Variants in XKR6 observed in about 807,000 individuals in gnomAD.
The protein encoded by XKR6 is XK-related protein 6.
XKR6 carries 22 observed loss-of-function variants against 56.7 expected under a neutral mutation model. The observed-to-expected ratio is 0.39, with a 90% CI of 0.28 to 0.55. The LOEUF is 0.55. Among genes scored for constraint, XKR6 ranks in the 20% least tolerant of loss-of-function variants. The pLI is 0.66. For synonymous variants in XKR6, 524 were observed against 387.8 expected (o/e 1.35, Z -4.13); for missense variants, 852 against 889.0 (o/e 0.96, Z 0.53).
intron 1 of XKR6, among the ~76,000 whole-genome samples, chr8:10,984,714 C>CTATATATA (rs1586391778): frequency 1.2e-5 from 1 of 86,528 alleles, no homozygotes; most frequent in African/African-American, 5.2e-5. Flanking sequence ...CTCTCTCTCT[C>CTATATATA]TCTCTCTCTC....
At chr8:11,157,995 A>G (rs17152938) in intron 1 of XKR6, among the ~76,000 whole-genome samples, 11,398 of 152,242 alleles carry the variant, frequency 0.075, 672 homozygotes, top group African/African-American at 0.16. Flanking sequence ...GTCAATTGCA[A>G]TTATGAAAAT....
intron 1 of XKR6, among the ~76,000 whole-genome samples, chr8:11,157,298 A>G (rs1801569162): frequency 6.6e-6 from 1 of 152,204 alleles, no homozygotes; most frequent in Admixed American, 6.5e-5. Context: ...GAAAAACTGC[A>G]GAAATCCAAA....
At chr8:11,107,245 G>T (rs1298572490) in intron 1 of XKR6, among the ~76,000 whole-genome samples, 1 of 151,554 alleles carries the variant, frequency 6.6e-6, no homozygotes, top group Non-Finnish European at 1.5e-5. Flanking sequence ...CATCGCCTGG[G>T]ATGAAGTGCA....
intron 1 of XKR6, among the ~76,000 whole-genome samples, chr8:11,068,326 C>A (rs568468233): frequency 1.3e-5 from 2 of 151,880 alleles, no homozygotes; most frequent in South Asian, 4.2e-4. Flanking sequence ...CCCTGGGATA[C>A]GGTGGGTGGG....
At chr8:10,997,368 G>C (rs536916930) in intron 1 of XKR6, among the ~76,000 whole-genome samples, 2 of 152,286 alleles carry the variant, frequency 1.3e-5, no homozygotes, top group Non-Finnish European at 2.9e-5. Context: ...AGATTGGGGA[G>C]ATGGGGTACA....
At chr8:10,929,355 A>G (rs186627021) in intron 1 of XKR6, among the ~76,000 whole-genome samples, 4 of 152,324 alleles carry the variant, frequency 2.6e-5, no homozygotes. Flanking sequence ...ACCAATATTC[A>G]TTTTACAGAC....
intron 1 of XKR6, among the ~76,000 whole-genome samples, chr8:11,009,092 G>T (rs1398428184): frequency 7.2e-6 from 1 of 138,954 alleles, no homozygotes; most frequent in Non-Finnish European, 1.6e-5. Context: ...TGTGTGGGGA[G>T]GGGGGTGGGA....
At chr8:10,913,551 G>C (rs1401130236) in intron 2 of XKR6, among the ~76,000 whole-genome samples, 1 of 152,148 alleles carries the variant, frequency 6.6e-6, no homozygotes, top group African/African-American at 2.4e-5. Context: ...TCTGCCAAGA[G>C]CAGATGTCAT....
At chr8:11,018,071 C>T (rs1290205673) in intron 1 of XKR6, among the ~76,000 whole-genome samples, 1 of 152,152 alleles carries the variant, frequency 6.6e-6, no homozygotes. Flanking sequence ...TGACAATCCC[C>T]GAGTTAGACA....
At chr8:11,114,570 G>A (rs1344388795) in intron 1 of XKR6, among the ~76,000 whole-genome samples, 3 of 152,098 alleles carry the variant, frequency 2.0e-5, no homozygotes, top group Non-Finnish European at 4.4e-5. Context: ...CATGTTGGCT[G>A]GGCTGGTCTT....
chr8:11,020,697 T>C (rs181163458), intron 1 of XKR6, among the ~76,000 whole-genome samples: 8 of 152,302 alleles, frequency 5.3e-5, no homozygotes, highest in Admixed American at 5.2e-4. Flanking sequence ...GGCTATGGCT[T>C]TTCAGGTCAA....
At chr8:11,025,831 A>C (rs2129149952) in intron 1 of XKR6, among the ~76,000 whole-genome samples, 1 of 152,268 alleles carries the variant, frequency 6.6e-6, no homozygotes, top group East Asian at 1.9e-4. Context: ...CTATGTGTAT[A>C]TACAGCCATG....
chr8:11,167,506 G>C (rs778176466), intron 1 of XKR6, among the ~76,000 whole-genome samples: 1 of 152,204 alleles, frequency 6.6e-6, no homozygotes, highest in African/African-American at 2.4e-5. Flanking sequence ...AGACACCTGG[G>C]GTCAAAGAGT....
chr8:11,184,025 A>G (rs1803134074), intron 1 of XKR6, among the ~76,000 whole-genome samples: 1 of 152,214 alleles, frequency 6.6e-6, no homozygotes, highest in African/African-American at 2.4e-5. Context: ...GGCACCAGAT[A>G]ATATAAGCAA....
intron 1 of XKR6, among the ~76,000 whole-genome samples, chr8:11,177,497 C>A (rs990395924): frequency 6.6e-6 from 1 of 152,194 alleles, no homozygotes; most frequent in Non-Finnish European, 1.5e-5. Context: ...TAACCCCCTC[C>A]CCCAAAAATT....
intron 2 of XKR6, among the ~76,000 whole-genome samples, chr8:10,915,254 G>A (rs1173170014): frequency 6.6e-6 from 1 of 152,254 alleles, no homozygotes; most frequent in Admixed American, 6.5e-5. Context: ...ACCGTGCTAG[G>A]CACATAGTAG....
chr8:11,080,829 CT>C (rs1430999578), intron 1 of XKR6, among the ~76,000 whole-genome samples: 1 of 152,262 alleles, frequency 6.6e-6, no homozygotes, highest in African/African-American at 2.4e-5. Flanking sequence ...GCAGGCCTCT[CT>C]GGGCACTGTT....
At chr8:11,059,809 G>A (rs1321455335) in intron 1 of XKR6, among the ~76,000 whole-genome samples, 1 of 152,074 alleles carries the variant, frequency 6.6e-6, no homozygotes, top group Non-Finnish European at 1.5e-5. Flanking sequence ...CGGTCCACGG[G>A]GACAAGAGCA....
chr8:11,025,039 T>C (rs1161483144), intron 1 of XKR6, among the ~76,000 whole-genome samples: 1 of 152,130 alleles, frequency 6.6e-6, no homozygotes, highest in Non-Finnish European at 1.5e-5. Flanking sequence ...ATCCAGGAAG[T>C]GAGCAGTGAT....
Sources: gnomAD v4.1 joint callset for allele counts (sites outside exome capture counted in the v4.1 genomes callset) on GRCh38, gnomAD v4.1.1 for gene constraint, MANE v1.5 for transcripts, NCBI Gene and HGNC (gene_info 2026-07-23, HGNC 2026-07-21) for gene names.